Variants in ZNF521 observed in about 807,000 individuals in gnomAD.
ZNF521 encodes the protein zinc finger protein 521.
Under a neutral mutation model 105.5 loss-of-function variants are expected in ZNF521, and 14 were observed. The observed-to-expected ratio is 0.13, with a 90% CI of 0.09 to 0.21. ZNF521 has a LOEUF of 0.21. Ranked by LOEUF, ZNF521 falls within the 10% of genes least tolerant of loss-of-function variation. ZNF521 has a pLI of 1.00. For missense variants in ZNF521, 1,233 were observed against 1,629.7 expected (o/e 0.76, Z 4.19); for synonymous variants, 635 against 606.0 (o/e 1.05, Z -0.70).
At chr18:25,278,744 A>T (rs201593424) in intron 3 of ZNF521, among the ~76,000 whole-genome samples, 1 of 55,368 alleles carries the variant, frequency 1.8e-5, no homozygotes, top group African/African-American at 1.1e-4. Context: ...CCTCTTGTTT[A>T]AAAAAAAAAT....
chr18:25,190,051 T>C (rs1028344850), intron 5 of ZNF521, among the ~76,000 whole-genome samples: 13 of 152,196 alleles, frequency 8.5e-5, no homozygotes, highest in African/African-American at 2.9e-4. Context: ...CCCTTTTGTA[T>C]GGTCCATGTA....
chr18:25,325,137 G>C (rs527313370), intron 2 of ZNF521, among the ~76,000 whole-genome samples: 2 of 152,238 alleles, frequency 1.3e-5, no homozygotes, highest in South Asian at 4.1e-4. Flanking sequence ...ATGAGTACTG[G>C]AATCTCAGTC....
intron 5 of ZNF521, among the ~76,000 whole-genome samples, chr18:25,146,208 C>A (rs1344093058): frequency 6.6e-6 from 1 of 152,110 alleles, no homozygotes; most frequent in Admixed American, 6.6e-5. Context: ...GTTTTTCTAA[C>A]CACTGAGCTT....
chr18:25,275,729 G>A (rs1909988046), intron 3 of ZNF521, among the ~76,000 whole-genome samples: 1 of 152,172 alleles, frequency 6.6e-6, no homozygotes, highest in African/African-American at 2.4e-5. Context: ...TCTAAGGAAA[G>A]GAAAGGGAAA....
intron 5 of ZNF521, among the ~76,000 whole-genome samples, chr18:25,138,525 T>C (rs1026875106): frequency 1.4e-5 from 1 of 70,584 alleles, no homozygotes; most frequent in African/African-American, 5.5e-5. Flanking sequence ...AGGGTGGGGG[T>C]GGGGAGGACA....
chr18:25,225,614 C>T lies in ZNF521; in HGVS notation c.2304G>A (p.Gln768=). Residue 768 remains glutamine, a synonymous_variant, in exon 4 of 8, where the codon CAG becomes CAA. Coordinates refer to ENST00000361524, the MANE Select transcript of ZNF521 (RefSeq NM_015461.3). This position sits in a 1 kb window ranked among gnomAD's most constrained non-coding sequence, Gnocchi z 5.6. Reference sequence around the variant, plus strand: ...CCAGGTGGTTGTGTTTCACATGGAGCTGCAAGTCAGTTTCGTTGCGGAAGT... The same window carrying T: ...CCAGGTGGTTGTGTTTCACATGGAGTTGCAAGTCAGTTTCGTTGCGGAAGT... The part of the protein sequence containing the change: ...NWDFRNETDL[Q]LHVKHNHLEN... 1 of 1,614,166 alleles carries T rather than the reference C, an allele frequency of 6.2e-7. No homozygotes were observed. The highest frequency in any genetic ancestry group is 8.5e-7 in the Non-Finnish European group (1 of 1,180,026).
chr18:25,148,739 T>TA (rs536200762), intron 5 of ZNF521, among the ~76,000 whole-genome samples: 98 of 149,372 alleles, frequency 6.6e-4, no homozygotes, highest in East Asian at 5.3e-3. Flanking sequence ...GCATTCGAAT[T>TA]AAAAAAAAAA....
intron 3 of ZNF521, among the ~76,000 whole-genome samples, chr18:25,260,117 T>C (rs1019022781): frequency 6.6e-6 from 1 of 152,274 alleles, no homozygotes; most frequent in South Asian, 2.1e-4. Context: ...ATGAACTGAT[T>C]TGGTTCCAAG....
intron 5 of ZNF521, among the ~76,000 whole-genome samples, chr18:25,096,122 C>T (rs187196710): frequency 1.3e-4 from 20 of 152,290 alleles, no homozygotes; most frequent in African/African-American, 4.8e-4. Flanking sequence ...CTTCATTTAA[C>T]TGTGAACATA....
At chr18:25,327,613 C>G (rs769492138) in intron 2 of ZNF521, 3 of 545,632 alleles carry the variant, frequency 5.5e-6, no homozygotes, top group South Asian at 4.2e-5. Flanking sequence ...AGTAGAAAGC[C>G]TTCCTGGTTT....
At chr18:25,238,318 T>C (rs993398147) in intron 3 of ZNF521, among the ~76,000 whole-genome samples, 7 of 152,248 alleles carry the variant, frequency 4.6e-5, no homozygotes, top group Non-Finnish European at 8.8e-5. Flanking sequence ...TTCACACATA[T>C]ACAGAAGAAG....
At chr18:25,269,673 C>A (rs556442458) in intron 3 of ZNF521, among the ~76,000 whole-genome samples, 19 of 152,246 alleles carry the variant, frequency 1.2e-4, no homozygotes, top group Non-Finnish European at 2.6e-4. Context: ...AACTGAACAA[C>A]CTGCTCCTGA....
chr18:25,197,439 T>C (rs1399082490), intron 4 of ZNF521, among the ~76,000 whole-genome samples: 1 of 151,890 alleles, frequency 6.6e-6, no homozygotes, highest in African/African-American at 2.4e-5. Flanking sequence ...AAATTCATTT[T>C]TACCCTTAAT....
At chr18:25,071,741 C>T (rs187518012) in intron 7 of ZNF521, among the ~76,000 whole-genome samples, 42 of 152,250 alleles carry the variant, frequency 2.8e-4, no homozygotes, top group East Asian at 1.9e-4. Flanking sequence ...GTTAGTCCCA[C>T]GGCTGGGCCA....
rs140686536 is a variant in ZNF521, at chr18:25,139,351, C to T, written c.3659-47270G>A. On this transcript the variant is annotated intron_variant, in intron 5 of 7. Transcript: ENST00000361524. ...TCACACCACTGCACTCTAGCCTGGG[C>T]GACAGAGCAAGACTCTGTCTCAAAA... 7.6e-3 allele frequency among the ~76,000 whole-genome samples: 904 copies of T among 118,328 alleles called. 6 individuals are homozygous for T. The highest frequency in any genetic ancestry group is 9.2e-3 in the Non-Finnish European group (551 of 59,614). The allele number at this position is 118,328 out of a possible 152,430, so 77.6% of individuals were successfully genotyped here. A position where few individuals can be genotyped will look rare whatever the true frequency, so the allele number is the denominator to read the frequency against.
At chr18:25,328,188 G>C (rs1301314872) in intron 2 of ZNF521, among the ~76,000 whole-genome samples, 1 of 152,142 alleles carries the variant, frequency 6.6e-6, no homozygotes, top group Non-Finnish European at 1.5e-5. Context: ...TGATCTCTGT[G>C]TTAAACAAAA....
chr18:25,216,474 C>A (rs926748141), intron 4 of ZNF521, among the ~76,000 whole-genome samples: 5 of 152,188 alleles, frequency 3.3e-5, no homozygotes, highest in Admixed American at 3.3e-4. Flanking sequence ...GAAGGACTTA[C>A]ACTGTATTCA....
intron 3 of ZNF521, among the ~76,000 whole-genome samples, chr18:25,262,512 G>T (rs139838309): frequency 3.7e-4 from 57 of 152,248 alleles, no homozygotes; most frequent in African/African-American, 1.3e-3. Flanking sequence ...GCATGAATTT[G>T]CTCTAAGGAG....
At chr18:25,213,159 ATAGT>A (rs1248403440) in intron 4 of ZNF521, among the ~76,000 whole-genome samples, 1 of 147,136 alleles carries the variant, frequency 6.8e-6, no homozygotes, top group Admixed American at 6.9e-5. Flanking sequence ...GTATAATAAT[ATAGT>A]TACATTATAA....
Sources: allele counts gnomAD v4.1 joint callset (sites outside exome capture counted in the v4.1 genomes callset), GRCh38; gene constraint gnomAD v4.1.1; non-coding constraint Gnocchi (gnomAD v3.1); transcripts MANE v1.5; gene names NCBI Gene and HGNC (gene_info 2026-07-23, HGNC 2026-07-21).